The following SYT1 variants were observed in gnomAD, a reference collection of about 807,000 sequenced individuals.
The protein encoded by SYT1 is synaptotagmin-1.
SYT1 carries 8 observed loss-of-function variants against 44.8 expected under a neutral mutation model. The observed-to-expected ratio is 0.18, with a 90% CI of 0.10 to 0.32. The LOEUF (loss-of-function observed/expected upper bound fraction) is 0.32, where lower values mean the gene tolerates loss of function less well. Ranked by LOEUF, SYT1 falls within the 10% of genes least tolerant of loss-of-function variation. SYT1 has a pLI of 1.00. For synonymous variants in SYT1, 154 were observed against 188.8 expected, an observed-to-expected ratio of 0.82 and a Z score of 1.51; for missense variants, 286 against 509.3, an observed-to-expected ratio of 0.56 and a Z score of 4.22.
At chr12:79,035,516 G>T (rs146102288) in intron 2 of SYT1, among the ~76,000 whole-genome samples, 307 of 151,752 alleles carry the variant, frequency 2.0e-3, no homozygotes, top group African/African-American at 7.2e-3. Flanking sequence ...ATCAGAATCT[G>T]TGTAGATATC....
At chr12:79,141,099 T>C (rs1869529805) in intron 3 of SYT1, among the ~76,000 whole-genome samples, 1 of 152,262 alleles carries the variant, frequency 6.6e-6, no homozygotes, top group Non-Finnish European at 1.5e-5. Flanking sequence ...GTATGCCATC[T>C]GTTTTCTTTG....
intron 3 of SYT1, among the ~76,000 whole-genome samples, chr12:79,194,595 T>G (rs1452972904): frequency 2.0e-5 from 3 of 152,086 alleles, no homozygotes; most frequent in Non-Finnish European, 2.9e-5. Context: ...TTATTTTTAA[T>G]GAGTAACCAG....
intron 8 of SYT1, among the ~76,000 whole-genome samples, chr12:79,313,574 T>G (rs1325457495): frequency 6.9e-6 from 1 of 145,360 alleles, no homozygotes; most frequent in Non-Finnish European, 1.5e-5. Flanking sequence ...TCCGTAAGCA[T>G]AGTTATGTTG....
chr12:79,246,824 C>T (rs1376197851), intron 4 of SYT1, among the ~76,000 whole-genome samples: 1 of 152,178 alleles, frequency 6.6e-6, no homozygotes, highest in African/African-American at 2.4e-5. Context: ...TATCTGGAAT[C>T]ATAGTCATTT....
At chr12:79,364,882 G>A (rs559868044) in intron 9 of SYT1, among the ~76,000 whole-genome samples, 143 of 152,172 alleles carry the variant, frequency 9.4e-4, no homozygotes, top group Non-Finnish European at 1.5e-3. Context: ...ATCTACTGAC[G>A]CAGCTGTCAT....
intron 4 of SYT1, among the ~76,000 whole-genome samples, chr12:79,284,338 C>G (rs1424637059): frequency 6.6e-6 from 1 of 152,044 alleles, no homozygotes; most frequent in Non-Finnish European, 1.5e-5. Context: ...TATATATGTT[C>G]TATTATTTTA....
At chr12:79,074,881 C>A (rs1453903604) in intron 3 of SYT1, among the ~76,000 whole-genome samples, 1 of 152,044 alleles carries the variant, frequency 6.6e-6, no homozygotes, top group Non-Finnish European at 1.5e-5. Context: ...TAAGTTCTGC[C>A]CTCTTCTCAA....
chr12:79,271,887 A>G (rs188933382), intron 4 of SYT1, among the ~76,000 whole-genome samples: 270 of 152,334 alleles, frequency 1.8e-3, no homozygotes, highest in African/African-American at 6.2e-3. Flanking sequence ...GTTTATTAAG[A>G]TACATTTTAT....
chr12:78,980,132 C>T (rs1006091798), intron 2 of SYT1, among the ~76,000 whole-genome samples: 10 of 152,064 alleles, frequency 6.6e-5, no homozygotes, highest in African/African-American at 2.4e-4. Context: ...GACATGTTTG[C>T]CAATTTAATA....
At chr12:78,896,666 T>G (rs1254151357) in intron 1 of SYT1, among the ~76,000 whole-genome samples, 4 of 151,778 alleles carry the variant, frequency 2.6e-5, no homozygotes, top group Admixed American at 1.3e-4. Context: ...GTCAACAATA[T>G]TTTCATTAAT....
At chr12:79,066,901 T>G (rs1426021735) in intron 3 of SYT1, among the ~76,000 whole-genome samples, 61 of 152,212 alleles carry the variant, frequency 4.0e-4, no homozygotes, top group Admixed American at 3.9e-3. Flanking sequence ...TAATATGGGC[T>G]ACTGAATCTG....
chr12:79,020,569 T>C (rs1319585475), intron 2 of SYT1, among the ~76,000 whole-genome samples: 1 of 151,942 alleles, frequency 6.6e-6, no homozygotes, highest in African/African-American at 2.4e-5. Context: ...GAAGTGTGAT[T>C]TCTTTATTCT....
At chr12:78,876,463 G>GTTTT (rs1555177002) in intron 1 of SYT1, among the ~76,000 whole-genome samples, 1 of 41,526 alleles carries the variant, frequency 2.4e-5, no homozygotes, top group East Asian at 9.2e-4. Flanking sequence ...AAATGGAGGT[G>GTTTT]TTTTTTTTTT....
At chr12:79,363,450 T>C (rs1449853729) in intron 9 of SYT1, among the ~76,000 whole-genome samples, 1 of 151,660 alleles carries the variant, frequency 6.6e-6, no homozygotes, top group Non-Finnish European at 1.5e-5. Flanking sequence ...ACTGGCCAGG[T>C]GCAGTGGCTC....
intron 6 of SYT1, among the ~76,000 whole-genome samples, chr12:79,294,199 T>G (rs1291228882): frequency 6.6e-6 from 1 of 152,036 alleles, no homozygotes; most frequent in Non-Finnish European, 1.5e-5. Context: ...AAAGTAGTAT[T>G]TTTAAGAAAA....
At chr12:79,415,980 C>T (rs988641718) in intron 9 of SYT1, among the ~76,000 whole-genome samples, 6 of 152,174 alleles carry the variant, frequency 3.9e-5, no homozygotes, top group East Asian at 1.9e-4. Context: ...CTTTTGATAA[C>T]GAAGCTGTTT....
intron 9 of SYT1, among the ~76,000 whole-genome samples, chr12:79,406,057 G>A (rs1885232885): frequency 6.6e-6 from 1 of 152,026 alleles, no homozygotes; most frequent in Admixed American, 6.6e-5. Context: ...AAATTAATAT[G>A]GAAATGAAAG....
intron 9 of SYT1, among the ~76,000 whole-genome samples, chr12:79,439,475 G>A (rs1388289352): frequency 5.9e-5 from 9 of 152,072 alleles, no homozygotes; most frequent in Non-Finnish European, 1.2e-4. Flanking sequence ...TTGGTACTGG[G>A]ATAGCTTGGC....
At chr12:79,275,283 A>T (rs1878651664) in intron 4 of SYT1, among the ~76,000 whole-genome samples, 1 of 152,124 alleles carries the variant, frequency 6.6e-6, no homozygotes, top group Admixed American at 6.5e-5. Context: ...CCCTGTGCTC[A>T]TGAAGAGATT....
Sources: gnomAD v4.1 joint callset for allele counts (sites outside exome capture counted in the v4.1 genomes callset) on GRCh38, gnomAD v4.1.1 for gene constraint, MANE v1.5 for transcripts, NCBI Gene and HGNC (gene_info 2026-07-23, HGNC 2026-07-21) for gene names.